Variants in FGF12 observed in about 807,000 individuals in gnomAD.
The protein encoded by FGF12 is fibroblast growth factor 12, also known as fibroblast growth factor 12B.
In FGF12, 14 loss-of-function variants were observed where a neutral mutation model predicts 23.6. The observed-to-expected ratio is 0.59, with a 90% CI of 0.39 to 0.93. The LOEUF (loss-of-function observed/expected upper bound fraction) is 0.93. FGF12 is among the 40% of genes least tolerant of loss of function. The probability of loss-of-function intolerance (pLI) is 0.00; values close to 1 mark genes in which losing one functional copy is unlikely to be tolerated. For missense variants in FGF12, 175 were observed against 217.8 expected (o/e 0.80, Z 1.24); for synonymous variants, 62 against 77.3 (o/e 0.80, Z 1.04).
intron 2 of FGF12, among the ~76,000 whole-genome samples, chr3:192,563,675 C>T (rs1285385486): frequency 1.3e-5 from 2 of 152,148 alleles, no homozygotes; most frequent in African/African-American, 2.4e-5. Flanking sequence ...AGAAATTCTA[C>T]ATAATTAATA....
At chr3:192,332,868 C>T (rs1192567186) in intron 4 of FGF12, among the ~76,000 whole-genome samples, 1 of 152,078 alleles carries the variant, frequency 6.6e-6, no homozygotes, top group Non-Finnish European at 1.5e-5. Context: ...AAATTCTAGC[C>T]TTAATGCATA....
intron 2 of FGF12, among the ~76,000 whole-genome samples, chr3:192,579,096 A>T (rs1713028664): frequency 6.6e-6 from 1 of 152,040 alleles, no homozygotes; most frequent in South Asian, 2.1e-4. Flanking sequence ...CCTAATGTTC[A>T]TCATTAAGGT....
intron 2 of FGF12, among the ~76,000 whole-genome samples, chr3:192,705,662 G>T (rs906356079): frequency 6.6e-6 from 1 of 152,090 alleles, no homozygotes; most frequent in Non-Finnish European, 1.5e-5. Flanking sequence ...TAACTTAAAA[G>T]ACTGTAAGAA....
At chr3:192,628,510 AGT>A (rs538589825) in intron 2 of FGF12, among the ~76,000 whole-genome samples, 20 of 56,392 alleles carry the variant, frequency 3.5e-4, no homozygotes, top group African/African-American at 1.8e-3. Flanking sequence ...TATATATATT[AGT>A]GTGTGTGTGT....
At chr3:192,297,440 T>G (rs1037633172) in intron 4 of FGF12, among the ~76,000 whole-genome samples, 7 of 152,208 alleles carry the variant, frequency 4.6e-5, no homozygotes, top group Non-Finnish European at 8.8e-5. Flanking sequence ...TATTTTTAAT[T>G]GCCAATTCAC....
chr3:192,419,860 T>C (rs1721467728), intron 2 of FGF12, among the ~76,000 whole-genome samples: 1 of 152,156 alleles, frequency 6.6e-6, no homozygotes, highest in South Asian at 2.1e-4. Flanking sequence ...CTATATGGCA[T>C]CAAATGTGTA....
intron 2 of FGF12, among the ~76,000 whole-genome samples, chr3:192,601,793 C>G (rs1310199126): frequency 6.6e-6 from 1 of 152,160 alleles, no homozygotes. Context: ...TTTAGATCAT[C>G]TCTAGATTCT....
chr3:192,143,289 T>C lies in FGF12; in HGVS notation c.*720A>G, dbSNP rs1317550210. On this transcript the variant is annotated 3_prime_UTR_variant, in exon 6 of 6. Coordinates refer to ENST00000445105, the MANE Select transcript of FGF12 (RefSeq NM_004113.6). Reference sequence around the variant, plus strand: ...TATCTTTGATAAAAATGTTATACTCTAGGATAATTTGAAATCATTTTTGTG... The same window carrying C: ...TATCTTTGATAAAAATGTTATACTCCAGGATAATTTGAAATCATTTTTGTG... 1.3e-5 allele frequency: 2 copies of C among 151,656 alleles called. No homozygotes were observed. Among genetic ancestry groups the C allele is most frequent in the Non-Finnish European group, 2.9e-5 (2 of 67,902 alleles). 9.4% of individuals were successfully genotyped at this position (151,656 alleles called of 1,614,324 possible).
intron 2 of FGF12, among the ~76,000 whole-genome samples, chr3:192,539,972 T>A (rs2108575894): frequency 6.6e-6 from 1 of 152,170 alleles, no homozygotes; most frequent in African/African-American, 2.4e-5. Flanking sequence ...ATCCTTTGGA[T>A]TTCTGCAGTA....
intron 2 of FGF12, among the ~76,000 whole-genome samples, chr3:192,412,804 A>G (rs546488350): frequency 6.6e-6 from 1 of 152,302 alleles, no homozygotes; most frequent in Non-Finnish European, 1.5e-5. Context: ...TACATTTCCA[A>G]TATCTTTGCA....
In FGF12 at chr3:192,409,001, G is replaced by C; in HGVS notation, c.14-48463C>G. The stretch of plus-strand genomic sequence containing the variant: ...GAGTCTGGGTAGGGGCGCGGGGCGG[G>C]GGCAGCTGTTTCCAGCTGCGGTGAG... On this transcript the variant is annotated intron_variant, in intron 2 of 5. Coordinates refer to ENST00000445105, the MANE Select transcript of FGF12 (RefSeq NM_004113.6). The surrounding 1 kb of genome is among the most constrained non-coding windows in gnomAD (Gnocchi z 4.8). 1.0e-6 allele frequency: 1 copy of C among 984,830 alleles called. No individual in the cohort carries two copies. The highest frequency in any genetic ancestry group is 1.2e-6 in the Non-Finnish European group (1 of 829,770). The allele number at this position is 984,830 out of a possible 1,614,324, so 61.0% of individuals were successfully genotyped here.
chr3:192,456,803 A>G (rs1261661347), intron 2 of FGF12, among the ~76,000 whole-genome samples: 1 of 152,204 alleles, frequency 6.6e-6, no homozygotes, highest in South Asian at 2.1e-4. Context: ...TAGAGGTAGT[A>G]CTATGAGAAT....
Position 192,408,351 on chromosome 3 carries a change from G to C in FGF12, c.14-47813C>G. ...GCGGGGAGGCAGTGCTAAAATTTGA[G>C]GAGGCTGCAGTATCGAAAACCCGGC... On this transcript the variant is annotated intron_variant, in intron 2 of 5. Coordinates refer to ENST00000445105, the MANE Select transcript of FGF12 (RefSeq NM_004113.6). The surrounding 1 kb of genome is among the most constrained non-coding windows in gnomAD (Gnocchi z 7.3). 1 of 1,428,294 alleles carries C rather than the reference G, an allele frequency of 7.0e-7. No individual in the cohort carries two copies. The highest frequency in any genetic ancestry group is 9.1e-7 in the Non-Finnish European group (1 of 1,095,192). The allele number at this position is 1,428,294 out of a possible 1,614,324, so 88.5% of individuals were successfully genotyped here.
intron 2 of FGF12, among the ~76,000 whole-genome samples, chr3:192,417,631 CAGTTAAGT>C (rs1325444998): frequency 1.3e-5 from 2 of 152,080 alleles, no homozygotes; most frequent in Non-Finnish European, 2.9e-5. Context: ...CTGATAGCAT[CAGTTAAGT>C]AGTGGCTATT....
chr3:192,489,703 T>C (rs1723742739), intron 2 of FGF12, among the ~76,000 whole-genome samples: 1 of 151,968 alleles, frequency 6.6e-6, no homozygotes, highest in African/African-American at 2.4e-5. Context: ...GCTTCATATC[T>C]GGAACTGCAA....
Position 192,143,924 on chromosome 3 carries a change from G to T in FGF12, c.*85C>A. ...GTTGTCATTTTATTTTCCTCTCCTT[G>T]GGTGGATTTACTGGAAGGAAATGGG... On this transcript the variant is annotated 3_prime_UTR_variant, in exon 6 of 6. Coordinates refer to ENST00000445105, the MANE Select transcript of FGF12 (RefSeq NM_004113.6). 1.2e-6 allele frequency: 1 copy of T among 847,024 alleles called. No individual in the cohort carries two copies. Among genetic ancestry groups the T allele is most frequent in the South Asian group, 1.5e-5 (1 of 68,172 alleles). The allele number at this position is 847,024 out of a possible 1,614,324, so 52.5% of individuals were successfully genotyped here. A position where few individuals can be genotyped will look rare whatever the true frequency, so the allele number is the denominator to read the frequency against.
chr3:192,248,527 T>C (rs749931311), intron 4 of FGF12, among the ~76,000 whole-genome samples: 9 of 152,210 alleles, frequency 5.9e-5, no homozygotes, highest in Admixed American at 3.3e-4. Flanking sequence ...TTCCCTTTAA[T>C]TATTTGTAGC....
chr3:192,407,562 C>T (rs1007060861), intron 2 of FGF12, among the ~76,000 whole-genome samples: 3 of 152,102 alleles, frequency 2.0e-5, no homozygotes, highest in African/African-American at 7.2e-5. Flanking sequence ...AGGTGTCTAT[C>T]ATGGATTATG....
chr3:192,644,849 C>T (rs1191352884), intron 2 of FGF12, among the ~76,000 whole-genome samples: 1 of 152,130 alleles, frequency 6.6e-6, no homozygotes, highest in Non-Finnish European at 1.5e-5. Flanking sequence ...AGCTATTATT[C>T]AGATAAGTAC....
Sources: gnomAD v4.1 joint callset for allele counts (sites outside exome capture counted in the v4.1 genomes callset) on GRCh38, gnomAD v4.1.1 for gene constraint, Gnocchi (gnomAD v3.1) non-coding constraint, MANE v1.5 for transcripts, NCBI Gene and HGNC (gene_info 2026-07-23, HGNC 2026-07-21) for gene names.